The following UGT1A10 variants were observed in gnomAD, a reference collection of about 807,000 sequenced individuals.
UGT1A10 encodes UDP-glucuronosyltransferase 1A10.
UGT1A10 carries 49 observed loss-of-function variants against 45.8 expected under a neutral mutation model. The observed-to-expected ratio is 1.07, with a 90% confidence interval of 0.85 to 1.36. The LOEUF (loss-of-function observed/expected upper bound fraction) is 1.36. Among genes scored for constraint, UGT1A10 ranks in the 40% most tolerant of loss-of-function variants. The pLI, the probability that UGT1A10 is intolerant of heterozygous loss-of-function variation, is 0.00. For synonymous variants in UGT1A10, 284 were observed against 249.7 expected (o/e 1.14, Z -1.29); for missense variants, 745 against 668.6 (o/e 1.11, Z -1.26).
At chr2:233,762,613 G>C (rs1698113480) in intron 1 of UGT1A10, among the ~76,000 whole-genome samples, 2 of 152,034 alleles carry the variant, frequency 1.3e-5, no homozygotes, top group South Asian at 4.1e-4. Flanking sequence ...GAGTTTTGTT[G>C]TTGTGACCTC....
At chr2:233,757,716 G>A (rs1426066067) in intron 1 of UGT1A10, among the ~76,000 whole-genome samples, 1 of 151,612 alleles carries the variant, frequency 6.6e-6, no homozygotes, top group African/African-American at 2.4e-5. Context: ...TCCCGGGAGG[G>A]TCCTGTAGAT....
chr2:233,637,401 A>G, intron 1 of UGT1A10, 24 bp downstream of exon 1: 1 of 1,586,328 alleles, frequency 6.3e-7, no homozygotes, highest in Non-Finnish European at 8.6e-7. Flanking sequence ...CCTTTAGCAC[A>G]TTAAGAATAA....
intron 1 of UGT1A10, among the ~76,000 whole-genome samples, chr2:233,765,977 C>T (rs1699015249): frequency 6.6e-6 from 1 of 152,154 alleles, no homozygotes; most frequent in Non-Finnish European, 1.5e-5. Context: ...TGGATGTTTA[C>T]AGCTCCTGAA....
At chr2:233,753,320 G>A (rs1197807028) in intron 1 of UGT1A10, 1 of 152,228 alleles carries the variant, frequency 6.6e-6, no homozygotes, top group Non-Finnish European at 1.5e-5. Context: ...CTGTGGGATG[G>A]TGCCAGCTGA....
chr2:233,728,280 T>C (rs2077695615), intron 1 of UGT1A10, among the ~76,000 whole-genome samples: 1 of 152,156 alleles, frequency 6.6e-6, no homozygotes, highest in Non-Finnish European at 1.5e-5. Flanking sequence ...GCCTTCGGCA[T>C]TCAGAAGAGG....
intron 1 of UGT1A10, among the ~76,000 whole-genome samples, chr2:233,686,765 A>G (rs926111347): frequency 6.6e-6 from 1 of 151,996 alleles, no homozygotes; most frequent in Non-Finnish European, 1.5e-5. Flanking sequence ...GCTTTATTTT[A>G]TGCAACACTC....
rs572113839 is a variant in UGT1A10, at chr2:233,733,665, C to T, written c.856-33369C>T. Among the ~76,000 whole-genome samples the T allele has an allele frequency of 5.3e-5, 8 of 152,280 alleles. No individual in the cohort carries two copies. The East Asian group carries it at 7.7e-4, about 15-fold the overall frequency. ...ATCCCAAGGATGAAGCCGACTTGAT[C>T]GATGTGGATAAACTTTTTGATGTGC... On this transcript the variant is annotated intron_variant, in intron 1 of 4. Transcript: ENST00000344644.
chr2:233,682,237 ACCATTG>A, intron 1 of UGT1A10: 1 of 1,614,202 alleles, frequency 6.2e-7, no homozygotes, highest in Non-Finnish European at 8.5e-7. Flanking sequence ...GCTGGACGGC[ACCATTG>A]CGAAGTGCAT....
intron 1 of UGT1A10, among the ~76,000 whole-genome samples, chr2:233,724,368 T>C (rs1161929215): frequency 2.1e-4 from 26 of 126,786 alleles, no homozygotes; most frequent in South Asian, 9.2e-4. Context: ...CCGGACGGGG[T>C]GGCTGCCGGG....
rs1698334430 is a variant in UGT1A10 at position 233,763,527 on chromosome 2, C to G, written c.856-3507C>G. 2.6e-5 allele frequency among the ~76,000 whole-genome samples: 4 copies of G among 152,146 alleles called. No individual in the cohort carries two copies. In the South Asian group the frequency reaches 8.3e-4, roughly 31 times the overall value. The stretch of plus-strand genomic sequence containing the variant: ...ATGTTTAGTTGACTTTGCCATTCTC[C>G]TTTTTCCGGATTTCTACTGGTTGGT... On this transcript the variant is annotated intron_variant, in intron 1 of 4. Coordinates refer to ENST00000344644, the MANE Select transcript of UGT1A10 (RefSeq NM_019075.4).
intron 1 of UGT1A10, among the ~76,000 whole-genome samples, chr2:233,640,049 G>A (rs1221816056): frequency 2.0e-5 from 3 of 152,200 alleles, no homozygotes; most frequent in Non-Finnish European, 4.4e-5. Context: ...CTGGGGATAG[G>A]ATGTGGTTAC....
intron 1 of UGT1A10, among the ~76,000 whole-genome samples, chr2:233,730,768 A>G (rs1007690415): frequency 3.9e-5 from 6 of 152,134 alleles, no homozygotes; most frequent in African/African-American, 1.4e-4. Flanking sequence ...TGAATCTATA[A>G]GCCCAGTGAA....
intron 1 of UGT1A10, among the ~76,000 whole-genome samples, chr2:233,700,349 A>C (rs201786918): frequency 6.6e-6 from 1 of 152,196 alleles, no homozygotes; most frequent in East Asian, 1.9e-4. Flanking sequence ...CCCTGTGCTT[A>C]TCTTTATGGC....
chr2:233,695,130 C>CTTTTT (rs71398796), intron 1 of UGT1A10, among the ~76,000 whole-genome samples: 6 of 138,838 alleles, frequency 4.3e-5, no homozygotes, highest in East Asian at 2.1e-4. Flanking sequence ...CTTTTCTTTT[C>CTTTTT]TTTTTTTTTT....
intron 1 of UGT1A10, among the ~76,000 whole-genome samples, chr2:233,698,809 G>A (rs898183693): frequency 2.6e-5 from 4 of 152,220 alleles, no homozygotes; most frequent in Non-Finnish European, 2.9e-5. Flanking sequence ...TCCCAGCCTC[G>A]CCTTGTGGAA....
intron 1 of UGT1A10, chr2:233,753,062 C>G (rs746941166): frequency 3.9e-5 from 6 of 152,186 alleles, no homozygotes; most frequent in African/African-American, 4.8e-5. Flanking sequence ...TGCCTTCCTC[C>G]CACCTCAAAA....
intron 1 of UGT1A10, among the ~76,000 whole-genome samples, chr2:233,658,752 C>T (rs1231435390): frequency 1.3e-5 from 2 of 152,190 alleles, no homozygotes; most frequent in Non-Finnish European, 2.9e-5. Context: ...ACTGAATTGT[C>T]TTTGCACTTT....
chr2:233,719,178 G>T lies in UGT1A10; in HGVS notation c.856-47856G>T, dbSNP rs749190317. 40 of 1,614,238 alleles carry T rather than the reference G, an allele frequency of 2.5e-5. No homozygotes were observed. The South Asian group carries it at 4.2e-4, about 17-fold the overall frequency. ...TAGAAGTATGGCAATTATGAACAAT[G>T]TATCTTTGGCCCTTCATAGGTGTTG... is the stretch of plus-strand genomic sequence containing the variant. On this transcript the variant is annotated intron_variant, in intron 1 of 4. Transcript: ENST00000344644.
At chr2:233,676,030 T>C (rs905060777) in intron 1 of UGT1A10, among the ~76,000 whole-genome samples, 3 of 152,178 alleles carry the variant, frequency 2.0e-5, no homozygotes, top group South Asian at 4.1e-4. Context: ...CCCATACATA[T>C]ACATCCTTGG....
Sources: gnomAD v4.1 joint callset for allele counts (sites outside exome capture counted in the v4.1 genomes callset) on GRCh38, gnomAD v4.1.1 for gene constraint, MANE v1.5 for transcripts, NCBI Gene and HGNC (gene_info 2026-07-23, HGNC 2026-07-21) for gene names.